TRIM55: variants seen among roughly 807,000 people sequenced by gnomAD.
TRIM55 encodes tripartite motif containing 55, also known as tripartite motif-containing protein 55.
In TRIM55, 50 loss-of-function variants were observed where a neutral mutation model predicts 60.9. The ratio of observed to expected loss-of-function variants is 0.82; its 90% CI spans 0.65 to 1.04. The LOEUF is 1.04. Among genes scored for constraint, TRIM55 ranks in the 50% least tolerant of loss-of-function variants. The probability of loss-of-function intolerance (pLI) is 0.00; values close to 1 mark genes in which losing one functional copy is unlikely to be tolerated. For synonymous variants in TRIM55, 237 were observed against 238.1 expected, an observed-to-expected ratio of 1.00 and a Z score of 0.04; for missense variants, 681 against 666.9, an observed-to-expected ratio of 1.02 and a Z score of -0.23.
intron 9 of TRIM55, among the ~76,000 whole-genome samples, chr8:66,173,991 A>T (rs1020363243): frequency 6.6e-6 from 1 of 152,184 alleles, no homozygotes; most frequent in Non-Finnish European, 1.5e-5. Context: ...ATATATGTAT[A>T]TGCATGCTAG....
At chr8:66,156,666 G>A (rs985481740) in intron 9 of TRIM55, among the ~76,000 whole-genome samples, 3 of 152,212 alleles carry the variant, frequency 2.0e-5, no homozygotes, top group Non-Finnish European at 4.4e-5. Flanking sequence ...GTGCTGAAAA[G>A]CCTCGGCTAT....
At chr8:66,165,857 A>G (rs942389814) in intron 9 of TRIM55, among the ~76,000 whole-genome samples, 9 of 152,156 alleles carry the variant, frequency 5.9e-5, no homozygotes, top group Non-Finnish European at 1.3e-4. Context: ...AGAGGGTAAC[A>G]TTTTTTTAAC....
At chr8:66,167,813 A>T (rs1811408302) in intron 9 of TRIM55, among the ~76,000 whole-genome samples, 1 of 152,034 alleles carries the variant, frequency 6.6e-6, no homozygotes, top group Non-Finnish European at 1.5e-5. Context: ...CAGTGGTGTG[A>T]TCATAGCTCA....
chr8:66,132,640 T>C (rs1036736428), intron 2 of TRIM55, among the ~76,000 whole-genome samples: 4 of 152,310 alleles, frequency 2.6e-5, no homozygotes, highest in African/African-American at 9.6e-5. Flanking sequence ...CACTGGGCCC[T>C]GACCACAGCT....
chr8:66,161,281 GT>G (rs1004143595), intron 9 of TRIM55, among the ~76,000 whole-genome samples: 1 of 152,078 alleles, frequency 6.6e-6, no homozygotes, highest in Non-Finnish European at 1.5e-5. Context: ...GTTAAATATG[GT>G]GTCCTTTCCC....
chr8:66,153,734 T>G (rs1246389438), intron 8 of TRIM55, among the ~76,000 whole-genome samples: 2 of 152,222 alleles, frequency 1.3e-5, no homozygotes, highest in East Asian at 3.9e-4. Flanking sequence ...AGTTTGACCC[T>G]TTTCCCATAT....
chr8:66,151,016 G>C (rs1444364501), intron 7 of TRIM55, among the ~76,000 whole-genome samples: 1 of 152,158 alleles, frequency 6.6e-6, no homozygotes, highest in Non-Finnish European at 1.5e-5. Context: ...ATAAGCAAAT[G>C]CTTCATAATT....
intron 4 of TRIM55, among the ~76,000 whole-genome samples, chr8:66,137,758 G>GAAAAA (rs34634925): frequency 8.6e-6 from 1 of 116,312 alleles, no homozygotes; most frequent in Non-Finnish European, 1.8e-5. Context: ...AATCAACACT[G>GAAAAA]AAAAAAAAAA....
chr8:66,147,440 A>T (rs1810152281), intron 4 of TRIM55, among the ~76,000 whole-genome samples: 1 of 152,100 alleles, frequency 6.6e-6, no homozygotes, highest in African/African-American at 2.4e-5. Flanking sequence ...GGTTTAGGTC[A>T]TTCTCCCTGA....
At chr8:66,124,464 G>A (rs1808746071), upstream of TRIM55, among the ~76,000 whole-genome samples, 1 of 152,128 alleles carries the variant, frequency 6.6e-6, no homozygotes, top group Admixed American at 6.5e-5. Flanking sequence ...TGCCCATGTT[G>A]CTGCTTCTGT....
intron 3 of TRIM55, 36 bp from the exon 4 acceptor site, chr8:66,137,059 C>A: frequency 6.3e-7 from 1 of 1,581,586 alleles, no homozygotes; most frequent in South Asian, 1.1e-5. Flanking sequence ...GCTAGGAAAC[C>A]CCTAAGATAT....
chr8:66,123,887 TG>T (rs562576931), upstream of TRIM55, among the ~76,000 whole-genome samples: 1 of 152,288 alleles, frequency 6.6e-6, no homozygotes, highest in South Asian at 2.1e-4. Flanking sequence ...CAGAGGTTTT[TG>T]TTTTTTTCTA....
the TRIM55 span, among the ~76,000 whole-genome samples, chr8:66,114,093 C>CCCCCCTTT: frequency 7.3e-6 from 1 of 136,414 alleles, no homozygotes; most frequent in Non-Finnish European, 1.6e-5. Flanking sequence ...CCCCCCCCCC[C>CCCCCCTTT]ATTATTTTGT....
intron 9 of TRIM55, among the ~76,000 whole-genome samples, chr8:66,172,013 T>A (rs1453156939): frequency 6.6e-6 from 1 of 151,622 alleles, no homozygotes; most frequent in African/African-American, 2.4e-5. Context: ...ACCCAGGGGA[T>A]TCTGCATGGC....
intron 4 of TRIM55, among the ~76,000 whole-genome samples, chr8:66,145,723 C>T (rs980836336): frequency 3.9e-5 from 6 of 152,092 alleles, no homozygotes; most frequent in East Asian, 1.9e-4. Context: ...GGCAATGGCG[C>T]GATCTTGGCA....
At chr8:66,127,564 C>A in intron 1 of TRIM55, 128 bp downstream of exon 1, 1 of 1,067,120 alleles carries the variant, frequency 9.4e-7, no homozygotes, top group Non-Finnish European at 1.4e-6. Flanking sequence ...CTTTGGCTCA[C>A]GCCTGTAGTC....
chr8:66,145,056 T>C (rs1810029199), intron 4 of TRIM55, among the ~76,000 whole-genome samples: 1 of 152,192 alleles, frequency 6.6e-6, no homozygotes, highest in Non-Finnish European at 1.5e-5. Context: ...ACATATCTGT[T>C]CCCTCATCAG....
chr8:66,118,291 AAGG>A, the TRIM55 span, among the ~76,000 whole-genome samples: 1 of 151,558 alleles, frequency 6.6e-6, no homozygotes, highest in Non-Finnish European at 1.5e-5. Context: ...AGATTTGAAG[AAGG>A]AGTGATTATC....
chr8:66,148,019 G>A (rs1429434030), intron 4 of TRIM55, among the ~76,000 whole-genome samples: 2 of 152,152 alleles, frequency 1.3e-5, no homozygotes, highest in Non-Finnish European at 1.5e-5. Context: ...GTATAGAATG[G>A]TCAGAGATGT....
Sources: gnomAD v4.1 joint callset for allele counts (sites outside exome capture counted in the v4.1 genomes callset) on GRCh38, gnomAD v4.1.1 for gene constraint, MANE v1.5 for transcripts, NCBI Gene and HGNC (gene_info 2026-07-23, HGNC 2026-07-21) for gene names.